Variants in FSHR observed in about 807,000 individuals in gnomAD.
FSHR encodes the protein follicle stimulating hormone receptor.
In FSHR, 46 loss-of-function variants were observed where a neutral mutation model predicts 52.1. The ratio of observed to expected loss-of-function variants is 0.88; its 90% confidence interval spans 0.70 to 1.13. The LOEUF (loss-of-function observed/expected upper bound fraction) is 1.13, where lower values mean the gene tolerates loss of function less well. Among genes scored for constraint, FSHR ranks in the 50% most tolerant of loss-of-function variants. The probability of loss-of-function intolerance (pLI) is 0.00; values close to 1 mark genes in which losing one functional copy is unlikely to be tolerated. For synonymous variants in FSHR, 399 were observed against 309.6 expected, an observed-to-expected ratio of 1.29 and a Z score of -3.03; for missense variants, 964 against 834.6, an observed-to-expected ratio of 1.16 and a Z score of -1.91.
intron 2 of FSHR, among the ~76,000 whole-genome samples, chr2:49,035,362 G>A (rs552875730): frequency 6.6e-6 from 1 of 152,336 alleles, no homozygotes; most frequent in East Asian, 1.9e-4. Context: ...AAGAGACCAA[G>A]GACAATTGGC....
chr2:49,063,406 AAATAAAGAAATG>A (rs1669383905), intron 2 of FSHR, among the ~76,000 whole-genome samples: 1 of 151,240 alleles, frequency 6.6e-6, no homozygotes, highest in Non-Finnish European at 1.5e-5. Flanking sequence ...ACACGTTCAC[AAATAAAGAAATG>A]AATAAAGAAA....
chr2:49,065,840 G>T (rs1213215419), intron 2 of FSHR, among the ~76,000 whole-genome samples: 1 of 152,098 alleles, frequency 6.6e-6, no homozygotes, highest in Non-Finnish European at 1.5e-5. Context: ...AAGAGAACTG[G>T]ATATGGAGCA....
chr2:49,097,955 A>T (rs1572741113), intron 1 of FSHR, among the ~76,000 whole-genome samples: 1 of 98,998 alleles, frequency 1.0e-5, no homozygotes, highest in Admixed American at 1.1e-4. Flanking sequence ...ATTTTTATTA[A>T]GTTTTAAAAA....
In FSHR at chr2:49,054,905, C is replaced by T. The variant is rs528381936; in HGVS notation, c.224+13314G>A. 7.2e-5 allele frequency among the ~76,000 whole-genome samples: 11 copies of T among 152,182 alleles called. No individual in the cohort carries two copies. The South Asian group carries it at 1.5e-3, about 20-fold the overall frequency. On this transcript the variant is annotated intron_variant, in intron 2 of 9. Coordinates refer to ENST00000406846, the MANE Select transcript of FSHR (RefSeq NM_000145.4). ...TGAATGTCTTTTCTTATAAAACCTA[C>T]TTCATAAAATTGGAACAGGTGACTG...
At chr2:49,140,815 G>T (rs1015189943) in intron 1 of FSHR, among the ~76,000 whole-genome samples, 2 of 152,080 alleles carry the variant, frequency 1.3e-5, no homozygotes, top group African/African-American at 4.8e-5. Context: ...AACTCTATGG[G>T]ATTTTTAAAA....
chr2:49,134,308 G>C (rs1388931260), intron 1 of FSHR, among the ~76,000 whole-genome samples: 1 of 152,196 alleles, frequency 6.6e-6, no homozygotes, highest in African/African-American at 2.4e-5. Context: ...ACAGACACAA[G>C]AAGAAATGCT....
intron 1 of FSHR, among the ~76,000 whole-genome samples, chr2:49,135,941 G>A (rs1672472684): frequency 6.6e-6 from 1 of 151,986 alleles, no homozygotes; most frequent in Non-Finnish European, 1.5e-5. Context: ...AGGAAGACAA[G>A]GGGTTGTCTT....
chr2:49,141,144 G>T (rs1285293106), intron 1 of FSHR, among the ~76,000 whole-genome samples: 2 of 152,176 alleles, frequency 1.3e-5, no homozygotes, highest in African/African-American at 2.4e-5. Context: ...TCTGGAAATT[G>T]TCATCGCATT....
chr2:49,068,411 A>G (rs567633002), intron 1 of FSHR, 121 bp from the exon 2 acceptor site: 5 of 827,058 alleles, frequency 6.0e-6, no homozygotes, highest in South Asian at 5.5e-5. Context: ...AGTAATGTTG[A>G]AATTGCTTTT....
In FSHR at chr2:48,968,480, T is replaced by G. The variant is rs75558208; in HGVS notation, c.854+218A>C. Among the ~76,000 whole-genome samples the G allele has an allele frequency of 3.1e-3, 475 of 152,378 alleles. 6 individuals carry two copies. The highest frequency in any genetic ancestry group is 0.011 in the African/African-American group (460 of 41,588). ...AGTACTTGGTATATGTTCTGCCACA[T>G]GGGTAGCCCTCTCCTGTGAGCCCAC... On this transcript the variant is annotated intron_variant, in intron 9 of 9. Coordinates refer to ENST00000406846, the MANE Select transcript of FSHR (RefSeq NM_000145.4).
intron 4 of FSHR, among the ~76,000 whole-genome samples, chr2:49,013,473 T>TATAAATAA (rs1313265643): frequency 7.8e-5 from 10 of 127,600 alleles, no homozygotes; most frequent in African/African-American, 2.5e-4. Context: ...AATATATATA[T>TATAAATAA]ATATATAAAT....
chr2:49,020,981 A>G (rs1351278673), intron 2 of FSHR, among the ~76,000 whole-genome samples: 2 of 152,170 alleles, frequency 1.3e-5, no homozygotes, highest in Non-Finnish European at 2.9e-5. Flanking sequence ...AAAATAGCTA[A>G]TGCATGCTGG....
At chr2:49,089,804 G>T (rs1165995936) in intron 1 of FSHR, among the ~76,000 whole-genome samples, 2 of 152,276 alleles carry the variant, frequency 1.3e-5, no homozygotes, top group Admixed American at 1.3e-4. Flanking sequence ...TTGCACTAAT[G>T]TAAGCCTGAA....
chr2:49,128,080 C>T lies in FSHR; in HGVS notation c.152+26186G>A, dbSNP rs188609604. Among the ~76,000 whole-genome samples, 276 of 151,596 alleles carry T rather than the reference C, an allele frequency of 1.8e-3. 11 individuals carry two copies. The highest frequency in any genetic ancestry group is 0.018 in the Admixed American group (273 of 15,162). On this transcript the variant is annotated intron_variant, in intron 1 of 9. Transcript: ENST00000406846. ...TATTTTTAGTAGAGATGGGGTTTCA[C>T]CATGTTGGCCAGGCTGGTCTTGAAC...
At chr2:49,052,043 AAATC>A (rs955956270) in intron 2 of FSHR, among the ~76,000 whole-genome samples, 16 of 152,216 alleles carry the variant, frequency 1.1e-4, no homozygotes, top group Admixed American at 9.2e-4. Flanking sequence ...AGGTAGAACA[AAATC>A]AAACAAAGAA....
At chr2:48,990,697 G>C (rs1258469994) in intron 4 of FSHR, 60 bp from the exon 5 acceptor site, 4 of 991,758 alleles carry the variant, frequency 4.0e-6, no homozygotes, top group South Asian at 1.3e-5. Flanking sequence ...ACAGTTGTTA[G>C]AGCATGAACT....
intron 9 of FSHR, among the ~76,000 whole-genome samples, chr2:48,965,079 G>A (rs549143291): frequency 6.6e-6 from 1 of 152,080 alleles, no homozygotes; most frequent in African/African-American, 2.4e-5. Context: ...TAAGTTGACT[G>A]TATTTTTTTT....
intron 1 of FSHR, among the ~76,000 whole-genome samples, chr2:49,102,380 A>G (rs1447094229): frequency 6.6e-6 from 1 of 152,192 alleles, no homozygotes; most frequent in African/African-American, 2.4e-5. Context: ...GTCTAAATCT[A>G]TAAAAGGGAG....
chr2:48,983,160 C>A lies in FSHR; in HGVS notation c.531G>T (p.Leu177=). The A allele has an allele frequency of 6.2e-7, 1 of 1,613,950 alleles. No individual in the cohort carries two copies. Among genetic ancestry groups the A allele is most frequent in the South Asian group, 1.1e-5 (1 of 91,060 alleles). The change falls in exon 7 of 10, where the codon CTG becomes CTT. Residue 177 remains leucine (L), a synonymous_variant. Transcript: ENST00000406846. ...GLSFESVILW[L]NKNGIQEIHN... is the part of the protein sequence containing the mutation. ...GTATTTCTTGAATCCCATTCTTATT[C>A]AGCCATCTGAAATAAAAGGCCTATT...
Sources: gnomAD v4.1 joint callset for allele counts (sites outside exome capture counted in the v4.1 genomes callset) on GRCh38, gnomAD v4.1.1 for gene constraint, MANE v1.5 for transcripts, NCBI Gene and HGNC (gene_info 2026-07-23, HGNC 2026-07-21) for gene names.